The following BPIFB3 variants were observed in gnomAD, a reference collection of about 807,000 sequenced individuals.
The protein encoded by BPIFB3 is BPI fold-containing family B member 3.
In BPIFB3, 49 loss-of-function variants were observed where a neutral mutation model predicts 53.1. The ratio of observed to expected loss-of-function variants is 0.92; its 90% CI spans 0.73 to 1.17. The LOEUF is 1.17. Ranked by LOEUF, BPIFB3 falls within the 50% of genes most tolerant of loss-of-function variation. BPIFB3 has a pLI of 0.00. For synonymous variants in BPIFB3, 271 were observed against 269.6 expected, an observed-to-expected ratio of 1.01 and a Z score of -0.05; for missense variants, 628 against 592.5, an observed-to-expected ratio of 1.06 and a Z score of -0.62.
At chr20:33,061,874 T>A (rs368948614) in intron 5 of BPIFB3, 43 bp downstream of exon 6, 1 of 1,603,488 alleles carries the variant, frequency 6.2e-7, no homozygotes. Flanking sequence ...CTCCCAGGAC[T>A]GGGCCTCTTT....
exon 11 of BPIFB3, chr20:33,069,891 A>G (rs1980813977): frequency 1.9e-6 from 3 of 1,614,082 alleles, no homozygotes; most frequent in Non-Finnish European, 1.7e-6. Flanking sequence ...CATGCAGGTC[A>G]TGACTGTGCG....
intron 8 of BPIFB3, among the ~76,000 whole-genome samples, chr20:33,065,545 A>G (rs577817755): frequency 1.4e-4 from 19 of 136,168 alleles, no homozygotes; most frequent in African/African-American, 4.8e-4. Flanking sequence ...GGAAGGAAGG[A>G]GAGAAAGAAA....
exon 10 of BPIFB3, chr20:33,068,847 G>A (rs1349390920): frequency 6.2e-7 from 1 of 1,613,970 alleles, no homozygotes; most frequent in Admixed American, 1.7e-5. Flanking sequence ...TACTGTTCCT[G>A]CGGGTGAGGG....
intron 7 of BPIFB3, 44 bp downstream of exon 8, chr20:33,064,592 A>G: frequency 2.5e-6 from 4 of 1,613,090 alleles, no homozygotes; most frequent in Non-Finnish European, 3.4e-6. Flanking sequence ...GGGTGGCTAG[A>G]TAGGGGATGC....
intron 8 of BPIFB3, among the ~76,000 whole-genome samples, chr20:33,066,343 T>G (rs1980670346): frequency 6.6e-6 from 1 of 152,344 alleles, no homozygotes; most frequent in East Asian, 1.9e-4. Context: ...TACATGTGAC[T>G]TCCTGATTTA....
chr20:33,061,820 C>T (rs766388424), exon 5 of BPIFB3: 5 of 1,614,218 alleles, frequency 3.1e-6, no homozygotes, highest in Non-Finnish European at 4.2e-6. Flanking sequence ...CTTCAAGGTG[C>T]TTCCGGGACT....
At chr20:33,056,390 G>C in intron 1 of BPIFB3, 152 bp from the exon 3 acceptor site, 1 of 1,048,840 alleles carries the variant, frequency 9.5e-7, no homozygotes. Context: ...GGCTGTTATG[G>C]CTTAGTGGGT....
At chr20:33,070,092 A>G in intron 11 of BPIFB3, 137 bp downstream of exon 12, 2 of 937,398 alleles carry the variant, frequency 2.1e-6, no homozygotes, top group Non-Finnish European at 3.4e-6. Context: ...TGCCTTCAGG[A>G]CCCGCCAGGG....
downstream of BPIFB3, chr20:33,073,634 G>A: frequency 2.5e-6 from 4 of 1,613,318 alleles, no homozygotes; most frequent in Non-Finnish European, 3.4e-6. Flanking sequence ...AGCCTTCCCT[G>A]TTGACTACTA....
intron 2 of BPIFB3, among the ~76,000 whole-genome samples, chr20:33,057,773 A>G (rs1027312000): frequency 2.0e-5 from 3 of 151,488 alleles, no homozygotes; most frequent in East Asian, 1.9e-4. Context: ...TGTGGTCTCA[A>G]TGTTTTCCTA....
At chr20:33,055,280 G>T, upstream of BPIFB3, 1 of 1,254,732 alleles carries the variant, frequency 8.0e-7, no homozygotes, top group Non-Finnish European at 1.1e-6. Flanking sequence ...TTACATTTGG[G>T]AGGAGAAGGC....
intron 10 of BPIFB3, among the ~76,000 whole-genome samples, chr20:33,069,360 G>C (rs1980795396): frequency 6.6e-6 from 1 of 152,056 alleles, no homozygotes; most frequent in Non-Finnish European, 1.5e-5. Flanking sequence ...ACCGAGGCAG[G>C]CCCCTCCCCC....
intron 2 of BPIFB3, among the ~76,000 whole-genome samples, chr20:33,058,484 A>G (rs377587967): frequency 6.6e-6 from 1 of 152,068 alleles, no homozygotes; most frequent in African/African-American, 2.4e-5. Flanking sequence ...ATTAGCAGCT[A>G]CTCATGGGGT....
intron 2 of BPIFB3, among the ~76,000 whole-genome samples, chr20:33,058,169 G>C (rs2146380680): frequency 6.6e-6 from 1 of 152,340 alleles, no homozygotes; most frequent in Non-Finnish European, 1.5e-5. Flanking sequence ...ACAGGGCCCA[G>C]GCAAGGCTGA....
At chr20:33,055,510 C>T in exon 1 of BPIFB3, 1 of 1,613,732 alleles carries the variant, frequency 6.2e-7, no homozygotes, top group East Asian at 2.2e-5. Flanking sequence ...AGACGGTGGG[C>T]ACGCTCGCTC....
chr20:33,057,757 T>C (rs1200543070), intron 2 of BPIFB3, among the ~76,000 whole-genome samples: 1 of 151,650 alleles, frequency 6.6e-6, no homozygotes, highest in Admixed American at 6.6e-5. Flanking sequence ...TCCAGAACAC[T>C]CCTGCTGTGG....
intron 8 of BPIFB3, 55 bp from the exon 10 acceptor site, chr20:33,066,769 G>A: frequency 6.4e-7 from 1 of 1,558,024 alleles, no homozygotes; most frequent in African/African-American, 1.4e-5. Flanking sequence ...AGTGTGCTGA[G>A]GGATTCCTGT....
chr20:33,061,528 A>AC (rs1172512357), intron 4 of BPIFB3, among the ~76,000 whole-genome samples: 1 of 152,116 alleles, frequency 6.6e-6, no homozygotes, highest in Non-Finnish European at 1.5e-5. Flanking sequence ...CTCCCATGTA[A>AC]CCCGGGCAGC....
chr20:33,056,787 T>C (rs977077160), intron 2 of BPIFB3, 89 bp downstream of exon 3: 4 of 1,447,310 alleles, frequency 2.8e-6, no homozygotes, highest in South Asian at 2.8e-5. Flanking sequence ...ATTTGTCCAA[T>C]AGGCAGTGAA....
Sources: allele counts gnomAD v4.1 joint callset (sites outside exome capture counted in the v4.1 genomes callset), GRCh38; gene constraint gnomAD v4.1.1; transcripts MANE v1.5; gene names NCBI Gene and HGNC (gene_info 2026-07-23, HGNC 2026-07-21).